Variants in MIGA1 observed in about 807,000 individuals in gnomAD.
MIGA1 encodes the protein mitoguardin 1.
Under a neutral mutation model 82.0 loss-of-function variants are expected in MIGA1, and 58 were observed. The observed-to-expected ratio is 0.71, with a 90% confidence interval of 0.57 to 0.88. The LOEUF (loss-of-function observed/expected upper bound fraction) is 0.88, where lower values mean the gene tolerates loss of function less well. MIGA1 is among the 40% of genes least tolerant of loss of function. The pLI is 0.00. For synonymous variants in MIGA1, 249 were observed against 253.6 expected (o/e 0.98, Z 0.17); for missense variants, 751 against 749.1 (o/e 1.00, Z -0.03).
intron 14 of MIGA1, among the ~76,000 whole-genome samples, chr1:77,871,330 C>T (rs567866818): frequency 4.6e-5 from 7 of 151,998 alleles, no homozygotes; most frequent in African/African-American, 1.4e-4. Context: ...GGCGAAACCC[C>T]GTCTCTACTA....
In MIGA1 at chr1:77,813,995, A is replaced by T. The variant is rs1557907459; in HGVS notation, c.771+128A>T. The T allele has an allele frequency of 4.5e-6, 4 of 885,730 alleles. 1 individual carries two copies. Among genetic ancestry groups the T allele is most frequent in the Non-Finnish European group, 3.4e-6 (2 of 580,514 alleles). The allele number at this position is 885,730 out of a possible 1,614,324, so 54.9% of individuals were successfully genotyped here. A position where few individuals can be genotyped will look rare whatever the true frequency, so the allele number is the denominator to read the frequency against. On this transcript the variant is annotated intron_variant, in intron 6 of 15. Transcript: ENST00000370791. ...AGTCTTGAACTCCTGGGCTCAAGCGATCTTCCCGCCTTGTCCTCTGAGTAA... is the reference window on the plus strand; with the variant it reads ...AGTCTTGAACTCCTGGGCTCAAGCGTTCTTCCCGCCTTGTCCTCTGAGTAA...
chr1:77,798,747 A>G (rs1682760407), intron 2 of MIGA1, among the ~76,000 whole-genome samples: 1 of 152,200 alleles, frequency 6.6e-6, no homozygotes, highest in East Asian at 1.9e-4. Context: ...GATTGAGGGC[A>G]CACCCTAATC....
chr1:77,870,688 T>G (rs1393654836), intron 14 of MIGA1, among the ~76,000 whole-genome samples: 59 of 136,266 alleles, frequency 4.3e-4, no homozygotes, highest in African/African-American at 7.1e-4. Flanking sequence ...GGGTGGCGGC[T>G]GGGCAGAGGC....
chr1:77,854,894 C>T (rs1685187739), intron 8 of MIGA1, among the ~76,000 whole-genome samples: 2 of 152,096 alleles, frequency 1.3e-5, no homozygotes, highest in Non-Finnish European at 2.9e-5. Context: ...AAAGCTCTTT[C>T]GTTTAATTAG....
At chr1:77,836,536 G>A (rs1388619156) in intron 7 of MIGA1, among the ~76,000 whole-genome samples, 3 of 152,148 alleles carry the variant, frequency 2.0e-5, no homozygotes, top group African/African-American at 4.8e-5. Context: ...TAAAGAATGC[G>A]TTTGGTAATG....
At chr1:77,859,252 A>C (rs1685376861) in intron 9 of MIGA1, 62 bp from the exon 10 acceptor site, 3 of 1,387,634 alleles carry the variant, frequency 2.2e-6, no homozygotes, top group Non-Finnish European at 3.1e-6. Context: ...TTTGAATCCA[A>C]ATTTATAGTA....
At chr1:77,857,333 T>G (rs568313330) in intron 8 of MIGA1, among the ~76,000 whole-genome samples, 33 of 152,124 alleles carry the variant, frequency 2.2e-4, no homozygotes, top group African/African-American at 7.7e-4. Context: ...TTTTTTTTTT[T>G]TTGTTTTTGC....
intron 8 of MIGA1, chr1:77,847,986 A>G: frequency 8.2e-7 from 1 of 1,219,536 alleles, no homozygotes; most frequent in Non-Finnish European, 1.2e-6. Context: ...GCACCACAGG[A>G]ATCAAAACCA....
intron 7 of MIGA1, among the ~76,000 whole-genome samples, chr1:77,838,249 T>C (rs2101876764): frequency 6.6e-6 from 1 of 152,374 alleles, no homozygotes; most frequent in East Asian, 1.9e-4. Flanking sequence ...ACTTTCAAGA[T>C]GGCTCTTCTT....
At chr1:77,797,779 C>T (rs1229570294) in intron 2 of MIGA1, among the ~76,000 whole-genome samples, 1 of 152,152 alleles carries the variant, frequency 6.6e-6, no homozygotes, top group Non-Finnish European at 1.5e-5. Context: ...TACAGAAATA[C>T]AGTTGATATT....
chr1:77,815,366 T>G (rs967718771), intron 7 of MIGA1, 135 bp downstream of exon 7: 1 of 558,828 alleles, frequency 1.8e-6, no homozygotes, highest in East Asian at 3.8e-5. Context: ...GAGAAAAAAT[T>G]TTTATCATAT....
chr1:77,847,251 A>G (rs1296775422), intron 8 of MIGA1: 8 of 1,031,480 alleles, frequency 7.8e-6, no homozygotes, highest in African/African-American at 1.6e-5. Flanking sequence ...TTCAGAGGGA[A>G]GCTGCTAAGA....
intron 1 of MIGA1, chr1:77,779,972 G>A: frequency 7.6e-7 from 1 of 1,311,878 alleles, no homozygotes. Context: ...GGCCTGGTTA[G>A]TACTTGCATA....
At chr1:77,870,221 A>ACC (rs544449676) in intron 14 of MIGA1, among the ~76,000 whole-genome samples, 228 of 36,140 alleles carry the variant, frequency 6.3e-3, no homozygotes, top group South Asian at 0.025. Flanking sequence ...CGGGGGGCTG[A>ACC]CCCCCCCCCC....
chr1:77,797,063 T>C (rs898513639), intron 2 of MIGA1, among the ~76,000 whole-genome samples: 11 of 152,354 alleles, frequency 7.2e-5, no homozygotes, highest in Admixed American at 6.5e-4. Context: ...TCTTTTGAAA[T>C]TGGCTTTTTC....
intron 7 of MIGA1, among the ~76,000 whole-genome samples, chr1:77,816,835 A>C (rs1570954043): frequency 6.6e-6 from 1 of 152,354 alleles, no homozygotes; most frequent in East Asian, 1.9e-4. Flanking sequence ...CGAGAAAAGA[A>C]ATTTTTTAAA....
chr1:77,833,044 G>A (rs1028065867), intron 7 of MIGA1, among the ~76,000 whole-genome samples: 21 of 152,100 alleles, frequency 1.4e-4, no homozygotes, highest in Non-Finnish European at 2.8e-4. Flanking sequence ...TTCTTTTTTG[G>A]TAAGCAGCCA....
At position 77,815,269 on chromosome 1, in the gene MIGA1, T is replaced by A. The variant is rs759873767; in HGVS notation, c.895+38T>A. The stretch of plus-strand genomic sequence containing the variant: ...TTTCATATGGCTTTTATGAAATGTT[T>A]ACTTTTCTTTTATATCCTTGGAATC... On this transcript the variant is annotated intron_variant, in intron 7 of 15. Coordinates refer to ENST00000370791, the MANE Select transcript of MIGA1 (RefSeq NM_198549.4). 6.8e-6 allele frequency: 10 copies of A among 1,474,538 alleles called. No homozygotes were observed. The South Asian group carries it at 1.4e-4, about 20-fold the overall frequency. The allele number at this position is 1,474,538 out of a possible 1,614,324, so 91.3% of individuals were successfully genotyped here.
intron 14 of MIGA1, among the ~76,000 whole-genome samples, chr1:77,866,612 C>T (rs1247836642): frequency 1.3e-5 from 2 of 151,498 alleles, no homozygotes; most frequent in African/African-American, 4.9e-5. Context: ...TTTCAGCTAA[C>T]TGGGAGAGGG....
Sources: allele counts gnomAD v4.1 joint callset (sites outside exome capture counted in the v4.1 genomes callset), GRCh38; gene constraint gnomAD v4.1.1; transcripts MANE v1.5; gene names NCBI Gene and HGNC (gene_info 2026-07-23, HGNC 2026-07-21).